RGS22: variants seen among roughly 807,000 people sequenced by gnomAD.
RGS22 encodes regulator of G protein signaling 22, also known as regulator of G-protein signaling 22.
RGS22 carries 148 observed loss-of-function variants against 172.9 expected under a neutral mutation model. The ratio of observed to expected loss-of-function variants is 0.86; its 90% confidence interval spans 0.75 to 0.98. The LOEUF (loss-of-function observed/expected upper bound fraction) is 0.98, where lower values mean the gene tolerates loss of function less well. Ranked by LOEUF, RGS22 falls within the 50% of genes least tolerant of loss-of-function variation. RGS22 has a pLI of 0.00. For missense variants in RGS22, 1,347 were observed against 1,440.8 expected, an observed-to-expected ratio of 0.93 and a Z score of 1.05; for synonymous variants, 458 against 480.2, an observed-to-expected ratio of 0.95 and a Z score of 0.60.
At chr8:100,071,897 T>C (rs72676297) in intron 5 of RGS22, among the ~76,000 whole-genome samples, 5,530 of 152,262 alleles carry the variant, frequency 0.036, 152 homozygotes, top group Non-Finnish European at 0.059. Context: ...TTATCACCAA[T>C]AGATAATTTT....
intron 18 of RGS22, among the ~76,000 whole-genome samples, chr8:100,001,202 T>TTATATATATATA (rs140189906): frequency 4.0e-5 from 5 of 124,780 alleles, no homozygotes; most frequent in African/African-American, 1.2e-4. Context: ...TCCCAATTTT[T>TTATATATATATA]TATATATATA....
chr8:99,977,834 C>A, intron 23 of RGS22, 83 bp downstream of exon 23: 1 of 1,191,578 alleles, frequency 8.4e-7, no homozygotes, highest in South Asian at 1.5e-5. Context: ...CTCTATATAT[C>A]CCCAGACAAA....
intron 8 of RGS22, 96 bp downstream of exon 8, chr8:100,063,320 A>T (rs1810288927): frequency 2.4e-6 from 2 of 829,624 alleles, no homozygotes; most frequent in Non-Finnish European, 3.5e-6. Flanking sequence ...TACATTTTTT[A>T]AAATTTACTT....
chr8:100,102,115 T>C (rs1813541720), intron 2 of RGS22, among the ~76,000 whole-genome samples: 1 of 152,176 alleles, frequency 6.6e-6, no homozygotes, highest in Admixed American at 6.5e-5. Flanking sequence ...AAAGGGCTCA[T>C]TCTTTCCTTC....
intron 24 of RGS22, among the ~76,000 whole-genome samples, chr8:99,964,273 C>A (rs1037571534): frequency 3.3e-5 from 5 of 151,760 alleles, no homozygotes; most frequent in African/African-American, 1.2e-4. Flanking sequence ...GGCAACATGG[C>A]GAAACCTCAT....
chr8:100,006,930 CT>C (rs200381921), intron 15 of RGS22, among the ~76,000 whole-genome samples: 39 of 147,312 alleles, frequency 2.6e-4, no homozygotes, highest in East Asian at 3.9e-4. Context: ...AATTCCAAAT[CT>C]TTTTTTTTTT....
intron 20 of RGS22, among the ~76,000 whole-genome samples, chr8:99,989,521 C>T (rs917318990): frequency 6.6e-6 from 1 of 152,106 alleles, no homozygotes; most frequent in Non-Finnish European, 1.5e-5. Context: ...GAGCAGCGTA[C>T]AGTTATGATT....
intron 3 of RGS22, among the ~76,000 whole-genome samples, chr8:100,083,130 G>A (rs1811886547): frequency 6.6e-6 from 1 of 152,176 alleles, no homozygotes; most frequent in Admixed American, 6.5e-5. Context: ...TTTTAGAAAG[G>A]TTCTGGAGCA....
At chr8:100,088,282 C>T (rs773798517) in intron 3 of RGS22, among the ~76,000 whole-genome samples, 22 of 152,038 alleles carry the variant, frequency 1.4e-4, no homozygotes, top group Non-Finnish European at 2.2e-4. Flanking sequence ...CCTATCCTTG[C>T]GAGGAGGGTA....
intron 9 of RGS22, among the ~76,000 whole-genome samples, chr8:100,053,897 G>A (rs909326246): frequency 2.0e-5 from 3 of 152,126 alleles, no homozygotes; most frequent in Non-Finnish European, 4.4e-5. Context: ...GCCTCCCAAA[G>A]TGCTGGGATT....
At chr8:100,095,812 T>C (rs1812921299) in intron 2 of RGS22, among the ~76,000 whole-genome samples, 1 of 152,216 alleles carries the variant, frequency 6.6e-6, no homozygotes, top group Non-Finnish European at 1.5e-5. Context: ...TCAGGTATTA[T>C]CAAATACATC....
At chr8:100,083,031 C>A (rs1364695374) in intron 3 of RGS22, among the ~76,000 whole-genome samples, 4 of 152,186 alleles carry the variant, frequency 2.6e-5, no homozygotes, top group Non-Finnish European at 4.4e-5. Flanking sequence ...GCCATTTTAA[C>A]AAGTACGGGC....
chr8:100,102,950 T>G (rs1321630578), intron 2 of RGS22, among the ~76,000 whole-genome samples: 1 of 152,234 alleles, frequency 6.6e-6, no homozygotes, highest in Non-Finnish European at 1.5e-5. Flanking sequence ...AGTTAACCAC[T>G]GTGAACTTCG....
rs1811671735 is a variant in RGS22, at chr8:100,080,443, T to C, written c.118-88A>G. 3 of 852,556 alleles carry C rather than the reference T, an allele frequency of 3.5e-6. No homozygotes were observed. In the South Asian group the frequency reaches 5.3e-5, roughly 15 times the overall value. 52.8% of individuals were successfully genotyped at this position (852,556 alleles called of 1,614,324 possible). A position where few individuals can be genotyped will look rare whatever the true frequency, so the allele number is the denominator to read the frequency against. ...AAGACTTGTGGTTTACATACATGCATGCATACCTCACAGAGTTCTGTGTTT... is the reference window on the plus strand; with the variant it reads ...AAGACTTGTGGTTTACATACATGCACGCATACCTCACAGAGTTCTGTGTTT... On this transcript the variant is annotated intron_variant, in intron 3 of 27. Coordinates refer to ENST00000360863, the MANE Select transcript of RGS22 (RefSeq NM_015668.5).
chr8:100,000,930 CCTCT>C (rs1265938926), intron 18 of RGS22, among the ~76,000 whole-genome samples: 1 of 151,904 alleles, frequency 6.6e-6, no homozygotes, highest in African/African-American at 2.4e-5. Context: ...TACTTGTGAA[CCTCT>C]CTGAGTTTTT....
intron 23 of RGS22, among the ~76,000 whole-genome samples, chr8:99,976,693 A>G (rs942174045): frequency 2.6e-5 from 4 of 152,186 alleles, no homozygotes; most frequent in Non-Finnish European, 4.4e-5. Context: ...CTGGACAAAT[A>G]TATCCCAAAC....
chr8:99,966,208 G>T (rs1810713629), intron 23 of RGS22, among the ~76,000 whole-genome samples: 2 of 152,180 alleles, frequency 1.3e-5, no homozygotes, highest in Admixed American at 1.3e-4. Context: ...TCACTTATAA[G>T]TGGGAGCTAA....
chr8:99,993,163 A>T (rs1159675400), intron 20 of RGS22, among the ~76,000 whole-genome samples: 1 of 152,238 alleles, frequency 6.6e-6, no homozygotes, highest in African/African-American at 2.4e-5. Context: ...AAGAGAAATC[A>T]GGAAAGATCT....
chr8:100,003,444 T>C (rs1331587519), intron 17 of RGS22, among the ~76,000 whole-genome samples: 1 of 151,990 alleles, frequency 6.6e-6, no homozygotes, highest in South Asian at 2.1e-4. Flanking sequence ...GAAAAAAATA[T>C]ATTGAATACT....
Sources: gnomAD v4.1 joint callset for allele counts (sites outside exome capture counted in the v4.1 genomes callset) on GRCh38, gnomAD v4.1.1 for gene constraint, MANE v1.5 for transcripts, NCBI Gene and HGNC (gene_info 2026-07-23, HGNC 2026-07-21) for gene names.